Variants in TAFA1 observed in about 807,000 individuals in gnomAD.
TAFA1 encodes TAFA chemokine like family member 1, also known as chemokine-like protein TAFA-1.
Under a neutral mutation model 18.5 loss-of-function variants are expected in TAFA1, and 4 were observed. The ratio of observed to expected loss-of-function variants is 0.22; its 90% CI spans 0.11 to 0.49. The LOEUF (loss-of-function observed/expected upper bound fraction) is 0.49, where lower values mean the gene tolerates loss of function less well. Among genes scored for constraint, TAFA1 ranks in the 20% least tolerant of loss-of-function variants. The probability of loss-of-function intolerance (pLI) is 0.98; values close to 1 mark genes in which losing one functional copy is unlikely to be tolerated. For synonymous variants in TAFA1, 56 were observed against 55.2 expected (o/e 1.01, Z -0.06); for missense variants, 147 against 169.0 (o/e 0.87, Z 0.72).
chr3:68,007,319 T>G (rs1376430254), intron 2 of TAFA1, among the ~76,000 whole-genome samples: 6 of 152,142 alleles, frequency 3.9e-5, no homozygotes, highest in Non-Finnish European at 8.8e-5. Flanking sequence ...TCCCACCTGA[T>G]TTTTGTTTTG....
chr3:68,338,786 C>T (rs772433030), intron 2 of TAFA1, among the ~76,000 whole-genome samples: 3 of 152,212 alleles, frequency 2.0e-5, no homozygotes, highest in Non-Finnish European at 2.9e-5. Context: ...TACCATACTG[C>T]TGTATAACAA....
At chr3:68,475,851 T>G (rs1340076428) in intron 3 of TAFA1, among the ~76,000 whole-genome samples, 3 of 152,182 alleles carry the variant, frequency 2.0e-5, no homozygotes, top group Non-Finnish European at 4.4e-5. Flanking sequence ...TGATCGCCAT[T>G]CTAACTGGTG....
At chr3:68,036,661 TA>T (rs1477761736) in intron 2 of TAFA1, among the ~76,000 whole-genome samples, 1 of 152,104 alleles carries the variant, frequency 6.6e-6, no homozygotes, top group Non-Finnish European at 1.5e-5. Context: ...GAAGGCTTGG[TA>T]AATCCATGTG....
At chr3:68,039,152 G>A (rs1575586745) in intron 2 of TAFA1, among the ~76,000 whole-genome samples, 2 of 152,070 alleles carry the variant, frequency 1.3e-5, no homozygotes, top group East Asian at 3.8e-4. Context: ...TGTATTAATT[G>A]CATAGTTTCT....
intron 2 of TAFA1, among the ~76,000 whole-genome samples, chr3:68,144,609 C>T (rs1196166612): frequency 6.6e-6 from 1 of 152,180 alleles, no homozygotes; most frequent in African/African-American, 2.4e-5. Flanking sequence ...CCATTGGCTA[C>T]TTATGTAGGG....
chr3:68,223,384 CA>C lies in TAFA1; in HGVS notation c.119-193894del, dbSNP rs1447849498. Among the ~76,000 whole-genome samples, 4 of 152,162 alleles carry C rather than the reference CA, an allele frequency of 2.6e-5. No individual in the cohort carries two copies. The East Asian group carries it at 5.8e-4, about 22-fold the overall frequency. ...AATACTTTATATACACCGTGTTATT[CA>C]ATAGTATCACTGAATATTTACAACA... is the stretch of plus-strand genomic sequence containing the variant. On this transcript the variant is annotated intron_variant, in intron 2 of 4. Coordinates refer to ENST00000478136, the MANE Select transcript of TAFA1 (RefSeq NM_213609.4).
chr3:68,513,587 A>G (rs1256728535), intron 3 of TAFA1, among the ~76,000 whole-genome samples: 1 of 152,188 alleles, frequency 6.6e-6, no homozygotes, highest in African/African-American at 2.4e-5. Context: ...TACCTATTTC[A>G]TAAAGCCTGA....
chr3:68,370,779 T>TA (rs2069689753), intron 2 of TAFA1, among the ~76,000 whole-genome samples: 1 of 102,868 alleles, frequency 9.7e-6, no homozygotes, highest in Non-Finnish European at 2.0e-5. Flanking sequence ...GTGTTTTCGT[T>TA]GTTTTTTTTT....
chr3:68,004,914 T>C (rs983006957), intron 1 of TAFA1, among the ~76,000 whole-genome samples: 1 of 152,138 alleles, frequency 6.6e-6, no homozygotes, highest in African/African-American at 2.4e-5. Flanking sequence ...ATTAAAAAAA[T>C]ATATATTGCA....
At chr3:68,039,818 G>T (rs967832874) in intron 2 of TAFA1, among the ~76,000 whole-genome samples, 1 of 152,126 alleles carries the variant, frequency 6.6e-6, no homozygotes, top group East Asian at 1.9e-4. Flanking sequence ...ACTCAGTTTT[G>T]CTGGGGCTTT....
At chr3:68,287,207 G>A (rs574874020) in intron 2 of TAFA1, among the ~76,000 whole-genome samples, 3 of 152,180 alleles carry the variant, frequency 2.0e-5, no homozygotes, top group East Asian at 1.9e-4. Flanking sequence ...GAAAAACCGC[G>A]TGTGTAATGG....
At chr3:68,061,203 C>T (rs10865603) in intron 2 of TAFA1, among the ~76,000 whole-genome samples, 142,594 of 152,280 alleles carry the variant, frequency 0.94, 66,877 homozygotes, top group South Asian at 0.97. Context: ...TATATGCAGA[C>T]GGTATATATC....
At chr3:68,144,414 C>T (rs1432535629) in intron 2 of TAFA1, among the ~76,000 whole-genome samples, 1 of 152,150 alleles carries the variant, frequency 6.6e-6, no homozygotes, top group Non-Finnish European at 1.5e-5. Context: ...CCATCACTTC[C>T]TGACTTTGAG....
intron 2 of TAFA1, among the ~76,000 whole-genome samples, chr3:68,180,593 G>A (rs2066186205): frequency 6.6e-6 from 1 of 152,208 alleles, no homozygotes; most frequent in Non-Finnish European, 1.5e-5. Context: ...TAGGAGGTGA[G>A]TAGTGTCTGC....
At chr3:68,131,600 A>T (rs1196034783) in intron 2 of TAFA1, among the ~76,000 whole-genome samples, 1 of 152,216 alleles carries the variant, frequency 6.6e-6, no homozygotes, top group East Asian at 1.9e-4. Flanking sequence ...TACATCCACA[A>T]AGAATAAGCC....
intron 2 of TAFA1, among the ~76,000 whole-genome samples, chr3:68,053,618 A>G (rs1222055247): frequency 6.6e-6 from 1 of 152,166 alleles, no homozygotes. Context: ...TGGGATGTAG[A>G]GACACTCAAA....
intron 2 of TAFA1, among the ~76,000 whole-genome samples, chr3:68,217,626 AATGTAAGAC>A (rs1242640335): frequency 4.6e-5 from 7 of 152,126 alleles, no homozygotes; most frequent in African/African-American, 1.7e-4. Flanking sequence ...TACTAATACT[AATGTAAGAC>A]ATTAATAATA....
intron 3 of TAFA1, among the ~76,000 whole-genome samples, chr3:68,513,818 A>G (rs2072883213): frequency 1.3e-5 from 2 of 152,158 alleles, no homozygotes; most frequent in African/African-American, 2.4e-5. Flanking sequence ...CTACCATACT[A>G]TTCTGCTTAT....
intron 2 of TAFA1, among the ~76,000 whole-genome samples, chr3:68,035,452 A>G (rs1469833425): frequency 6.6e-6 from 1 of 152,214 alleles, no homozygotes; most frequent in Admixed American, 6.6e-5. Context: ...ATAACATTAT[A>G]CATGATTATT....
Sources: allele counts gnomAD v4.1 joint callset (sites outside exome capture counted in the v4.1 genomes callset), GRCh38; gene constraint gnomAD v4.1.1; transcripts MANE v1.5; gene names NCBI Gene and HGNC (gene_info 2026-07-23, HGNC 2026-07-21).